The following SLC24A3 variants were observed in gnomAD, a reference collection of about 807,000 sequenced individuals.
The protein encoded by SLC24A3 is solute carrier family 24 member 3, also known as sodium/potassium/calcium exchanger 3.
In SLC24A3, 28 loss-of-function variants were observed where a neutral mutation model predicts 75.8. The observed-to-expected ratio is 0.37, with a 90% confidence interval of 0.27 to 0.51. SLC24A3 has a LOEUF of 0.51. Ranked by LOEUF, SLC24A3 falls within the 20% of genes least tolerant of loss-of-function variation. The probability of loss-of-function intolerance (pLI) is 0.94; values close to 1 mark genes in which losing one functional copy is unlikely to be tolerated. For synonymous variants in SLC24A3, 372 were observed against 334.1 expected, an observed-to-expected ratio of 1.11 and a Z score of -1.24; for missense variants, 663 against 847.8, an observed-to-expected ratio of 0.78 and a Z score of 2.71.
At chr20:19,407,197 TG>T (rs746081950) in intron 2 of SLC24A3, among the ~76,000 whole-genome samples, 17 of 152,208 alleles carry the variant, frequency 1.1e-4, no homozygotes, top group Non-Finnish European at 2.1e-4. Flanking sequence ...AGCGCCTCCT[TG>T]TCACAGAGTC....
intron 9 of SLC24A3, among the ~76,000 whole-genome samples, chr20:19,681,247 TA>T (rs1243542272): frequency 6.6e-6 from 1 of 152,186 alleles, no homozygotes; most frequent in East Asian, 1.9e-4. Context: ...AATTTTTTCA[TA>T]AAGCTAAGGG....
chr20:19,580,190 G>T, intron 4 of SLC24A3, 116 bp downstream of exon 4: 1 of 747,932 alleles, frequency 1.3e-6, no homozygotes. Flanking sequence ...CAGCTGCAGC[G>T]GGAACACCAG....
intron 6 of SLC24A3, among the ~76,000 whole-genome samples, chr20:19,616,555 A>C (rs1469231090): frequency 6.6e-6 from 1 of 152,210 alleles, no homozygotes; most frequent in East Asian, 1.9e-4. Context: ...TGAGACGGCT[A>C]ACCTAGATCT....
chr20:19,262,866 A>G (rs1178323741), intron 1 of SLC24A3, among the ~76,000 whole-genome samples: 1 of 151,900 alleles, frequency 6.6e-6, no homozygotes, highest in Non-Finnish European at 1.5e-5. Context: ...TGTGCTGGGC[A>G]CTGACAAAGC....
chr20:19,381,750 A>G (rs1986186313), intron 2 of SLC24A3, among the ~76,000 whole-genome samples: 1 of 152,168 alleles, frequency 6.6e-6, no homozygotes, highest in South Asian at 2.1e-4. Context: ...GCAGCTATTT[A>G]TGTACTAGGT....
chr20:19,370,219 A>G (rs1985968140), intron 2 of SLC24A3, among the ~76,000 whole-genome samples: 1 of 152,224 alleles, frequency 6.6e-6, no homozygotes, highest in South Asian at 2.1e-4. Context: ...TGATCTAAGC[A>G]TATTAATTGT....
chr20:19,341,227 C>T (rs1004891848), intron 2 of SLC24A3, among the ~76,000 whole-genome samples: 1 of 152,350 alleles, frequency 6.6e-6, no homozygotes, highest in Middle Eastern at 3.4e-3. Flanking sequence ...AGGTTGACAG[C>T]AGCCTGGAGA....
At chr20:19,468,480 G>T (rs1447407842) in intron 2 of SLC24A3, among the ~76,000 whole-genome samples, 1 of 151,994 alleles carries the variant, frequency 6.6e-6, no homozygotes, top group African/African-American at 2.4e-5. Context: ...AGACCAGGAG[G>T]CTGGGAGATT....
At chr20:19,241,987 C>T (rs909717093) in intron 1 of SLC24A3, among the ~76,000 whole-genome samples, 6 of 152,174 alleles carry the variant, frequency 3.9e-5, no homozygotes, top group Admixed American at 3.9e-4. Context: ...TTTGATTTGA[C>T]CCAGTTATAC....
At chr20:19,290,044 C>T (rs1983901058) in intron 2 of SLC24A3, among the ~76,000 whole-genome samples, 1 of 152,112 alleles carries the variant, frequency 6.6e-6, no homozygotes, top group South Asian at 2.1e-4. Flanking sequence ...GTCTTAGGAC[C>T]ACCACCACCA....
chr20:19,572,743 T>C (rs577255334), intron 3 of SLC24A3, among the ~76,000 whole-genome samples: 2 of 152,302 alleles, frequency 1.3e-5, no homozygotes, highest in African/African-American at 4.8e-5. Flanking sequence ...AGACTGATCA[T>C]TTCTCTCTAG....
intron 1 of SLC24A3, among the ~76,000 whole-genome samples, chr20:19,271,314 C>A: frequency 6.7e-6 from 1 of 150,268 alleles, no homozygotes. Flanking sequence ...CAAGAATGGC[C>A]ATAATTAAAA....
intron 2 of SLC24A3, among the ~76,000 whole-genome samples, chr20:19,350,022 C>T (rs77445335): frequency 0.014 from 2,127 of 152,232 alleles, 57 homozygotes; most frequent in African/African-American, 0.048. Context: ...ACGCAAACCT[C>T]GAGAGCACGG....
At chr20:19,250,508 T>A (rs748708218) in intron 1 of SLC24A3, among the ~76,000 whole-genome samples, 4 of 152,236 alleles carry the variant, frequency 2.6e-5, no homozygotes, top group Non-Finnish European at 5.9e-5. Context: ...GTGTTTTTAA[T>A]TGACCTGAGA....
chr20:19,663,905 G>A (rs186693004), intron 7 of SLC24A3, among the ~76,000 whole-genome samples: 20 of 152,286 alleles, frequency 1.3e-4, no homozygotes, highest in African/African-American at 4.8e-4. Flanking sequence ...TAGCAGACAG[G>A]AAGAGTACTT....
chr20:19,439,201 C>T (rs549254495), intron 2 of SLC24A3, among the ~76,000 whole-genome samples: 2 of 152,334 alleles, frequency 1.3e-5, no homozygotes, highest in Non-Finnish European at 1.5e-5. Context: ...GTTGGTGACC[C>T]CAGACCCACA....
intron 2 of SLC24A3, among the ~76,000 whole-genome samples, chr20:19,428,339 C>T (rs1271458751): frequency 6.6e-6 from 1 of 152,186 alleles, no homozygotes; most frequent in Non-Finnish European, 1.5e-5. Context: ...GGACACAGCA[C>T]TCAATCGACA....
chr20:19,304,721 AG>A (rs1373928683), intron 2 of SLC24A3, among the ~76,000 whole-genome samples: 2 of 152,208 alleles, frequency 1.3e-5, no homozygotes, highest in African/African-American at 4.8e-5. Flanking sequence ...ACATTTTACA[AG>A]GGGGAAAAAA....
chr20:19,466,209 A>G (rs1416270661), intron 2 of SLC24A3, among the ~76,000 whole-genome samples: 1 of 152,088 alleles, frequency 6.6e-6, no homozygotes, highest in Non-Finnish European at 1.5e-5. Context: ...AGTGTCAAAT[A>G]ATGTCATTAT....
Sources: allele counts gnomAD v4.1 joint callset (sites outside exome capture counted in the v4.1 genomes callset), GRCh38; gene constraint gnomAD v4.1.1; transcripts MANE v1.5; gene names NCBI Gene and HGNC (gene_info 2026-07-23, HGNC 2026-07-21).